NTAN1: variants seen among roughly 807,000 people sequenced by gnomAD.
NTAN1 encodes protein N-terminal asparagine amidohydrolase.
NTAN1 carries 32 observed loss-of-function variants against 41.9 expected under a neutral mutation model. That is an observed-to-expected ratio of 0.76 (90% CI 0.58 to 1.03). The LOEUF is 1.03. Ranked by LOEUF, NTAN1 falls within the 50% of genes least tolerant of loss-of-function variation. NTAN1 has a pLI of 0.00. For missense variants in NTAN1, 377 were observed against 377.5 expected (o/e 1.00, Z 0.01); for synonymous variants, 140 against 139.5 (o/e 1.00, Z -0.03).
intron 1 of NTAN1, 27 bp downstream of exon 1, chr16:15,055,864 C>G: frequency 8.4e-7 from 1 of 1,190,986 alleles, no homozygotes; most frequent in Non-Finnish European, 1.1e-6. Flanking sequence ...GGGCCCGCCC[C>G]GAAGCCCCGC....
At position 15,037,924 on chromosome 16, in the gene NTAN1, AAGG is replaced by A. The variant is rs569144350; in HGVS notation, c.*104_*106del. 6.4e-5 allele frequency: 43 copies of A among 675,044 alleles called. No individual in the cohort carries two copies. The East Asian group carries it at 1.1e-3, about 17-fold the overall frequency. 41.8% of individuals were successfully genotyped at this position (675,044 alleles called of 1,614,324 possible). A position where few individuals can be genotyped will look rare whatever the true frequency, so the allele number is the denominator to read the frequency against. ...GTCATTTGAAAGACACTGAGGAGGG[AAGG>A]AGGCCTAAGACCCAACAGATGTAGG... is the stretch of plus-strand genomic sequence containing the variant. On this transcript the variant is annotated 3_prime_UTR_variant, in exon 10 of 10. Transcript: ENST00000287706.
At chr16:15,042,357 TG>T (rs771634571) in intron 5 of NTAN1, among the ~76,000 whole-genome samples, 1 of 151,788 alleles carries the variant, frequency 6.6e-6, no homozygotes, top group Non-Finnish European at 1.5e-5. Context: ...GGCTAATTTT[TG>T]TATTTTCAGT....
chr16:15,044,578 G>GT (rs1247921706), intron 4 of NTAN1, 171 bp from the exon 5 acceptor site: 2 of 609,780 alleles, frequency 3.3e-6, no homozygotes, highest in African/African-American at 3.7e-5. Context: ...GCCAAGGCCA[G>GT]TGGCGAGCTT....
chr16:15,038,780 G>T, intron 8 of NTAN1, 93 bp from the exon 9 acceptor site: 1 of 671,924 alleles, frequency 1.5e-6, no homozygotes, highest in Non-Finnish European at 2.6e-6. Context: ...GTCCTTTCAT[G>T]CATTTATCTG....
Position 15,038,223 on chromosome 16 carries a change from G to A in NTAN1, c.754-13C>T. On this transcript the variant is annotated splice_polypyrimidine_tract_variant and intron_variant, in intron 9 of 9. Coordinates refer to ENST00000287706, the MANE Select transcript of NTAN1 (RefSeq NM_173474.4). ...AAGTGGAAAGATTCTGAAAACACAAGATGGTGGGCATTAGAGAAGCCAACC... is the reference window on the plus strand; with the variant it reads ...AAGTGGAAAGATTCTGAAAACACAAAATGGTGGGCATTAGAGAAGCCAACC... 1 of 1,609,132 alleles carries A rather than the reference G, an allele frequency of 6.2e-7. No individual in the cohort carries two copies. Among genetic ancestry groups the A allele is most frequent in the South Asian group, 1.1e-5 (1 of 90,296 alleles).
intron 1 of NTAN1, among the ~76,000 whole-genome samples, chr16:15,054,046 C>T (rs2044401200): frequency 6.6e-6 from 1 of 152,242 alleles, no homozygotes; most frequent in Non-Finnish European, 1.5e-5. Flanking sequence ...TGTAAGGTTA[C>T]TTTCCATGCT....
intron 5 of NTAN1, 116 bp downstream of exon 5, chr16:15,044,218 T>C: frequency 1.5e-6 from 1 of 688,494 alleles, no homozygotes; most frequent in Non-Finnish European, 2.6e-6. Flanking sequence ...TTCTCTGTGC[T>C]GCTCCAAGTG....
chr16:15,041,407 C>T (rs1342138266), intron 6 of NTAN1, among the ~76,000 whole-genome samples: 2 of 152,060 alleles, frequency 1.3e-5, no homozygotes, highest in African/African-American at 4.8e-5. Context: ...TGCCCTCCTT[C>T]CTGGTAGACG....
At chr16:15,049,663 T>G (rs896318666) in intron 1 of NTAN1, among the ~76,000 whole-genome samples, 1 of 151,950 alleles carries the variant, frequency 6.6e-6, no homozygotes, top group Admixed American at 6.6e-5. Context: ...TGGCCTCAAG[T>G]GATCCACCTG....
At position 15,040,060 on chromosome 16, in the gene NTAN1, T is replaced by C. The variant is rs1397047685; in HGVS notation, c.548A>G (p.Asn183Ser). Residue 183 changes from asparagine to serine, a missense_variant, in exon 8 of 10, where the codon AAC becomes AGC. Asn to Ser is a conservative substitution (Grantham distance 46). Coordinates refer to ENST00000287706, the MANE Select transcript of NTAN1 (RefSeq NM_173474.4). ...HFPVIYGIAV[N>S]IKTAEIYRAS... ...TCTGTAAATCTCTGCAGTCTTAATG[T>C]TGACAGCTGTGAGGGACAACAGGAT... 1.3e-6 allele frequency: 2 copies of C among 1,592,270 alleles called. No homozygotes were observed. The highest frequency in any genetic ancestry group is 1.3e-5 in the African/African-American group (1 of 74,644).
At position 15,037,952 on chromosome 16, in the gene NTAN1, G is replaced by GA; in HGVS notation, c.*78dup. ...GAGGCCTAAGACCCAACAGATGTAG[G>GA]ATCCAGATCTGGATTCGTGCCAGCC... On this transcript the variant is annotated 3_prime_UTR_variant, in exon 10 of 10. Coordinates refer to ENST00000287706, the MANE Select transcript of NTAN1 (RefSeq NM_173474.4). 2 of 997,642 alleles carry GA rather than the reference G, an allele frequency of 2.0e-6. No individual in the cohort carries two copies. The allele number at this position is 997,642 out of a possible 1,614,324, so 61.8% of individuals were successfully genotyped here. A position where few individuals can be genotyped will look rare whatever the true frequency, so the allele number is the denominator to read the frequency against.
intron 5 of NTAN1, among the ~76,000 whole-genome samples, chr16:15,043,062 G>T (rs1481866532): frequency 6.6e-6 from 1 of 152,042 alleles, no homozygotes; most frequent in Non-Finnish European, 1.5e-5. Flanking sequence ...CACCATGCCT[G>T]GCTAATTTTG....
At chr16:15,039,170 A>G (rs1242374649) in intron 8 of NTAN1, among the ~76,000 whole-genome samples, 1 of 152,178 alleles carries the variant, frequency 6.6e-6, no homozygotes, top group Non-Finnish European at 1.5e-5. Context: ...TGAATTCCCA[A>G]ATTTGCCAAT....
At chr16:15,047,597 G>T in intron 3 of NTAN1, 47 bp from the exon 4 acceptor site, 1 of 1,354,310 alleles carries the variant, frequency 7.4e-7, no homozygotes, top group Non-Finnish European at 1.1e-6. Flanking sequence ...TGATGCGAGT[G>T]CAGTGCGCAG....
intron 5 of NTAN1, among the ~76,000 whole-genome samples, chr16:15,042,409 C>T (rs894106805): frequency 6.6e-5 from 10 of 151,954 alleles, no homozygotes; most frequent in African/African-American, 1.7e-4. Context: ...AGGCTGGTCT[C>T]GAACTCGTGA....
At chr16:15,044,245 G>A in intron 5 of NTAN1, 89 bp downstream of exon 5, 1 of 875,334 alleles carries the variant, frequency 1.1e-6, no homozygotes, top group Non-Finnish European at 1.9e-6. Context: ...CCCTTCTTGG[G>A]TTTTGTACCA....
chr16:15,053,711 G>C lies in NTAN1; in HGVS notation c.81+2180C>G, dbSNP rs184728850. Among the ~76,000 whole-genome samples, 8 of 152,168 alleles carry C rather than the reference G, an allele frequency of 5.3e-5. No homozygotes were observed. In the East Asian group the frequency reaches 1.5e-3, roughly 29 times the overall value. ...AGATCACTTGAGGTCAGGAGTTCAA[G>C]AACAGCCTGGCCAACATGGTGAAAA... is the stretch of plus-strand genomic sequence containing the variant. On this transcript the variant is annotated intron_variant, in intron 1 of 9. Coordinates refer to ENST00000287706, the MANE Select transcript of NTAN1 (RefSeq NM_173474.4).
intron 1 of NTAN1, among the ~76,000 whole-genome samples, chr16:15,055,516 G>A (rs1480816242): frequency 6.6e-6 from 1 of 152,238 alleles, no homozygotes; most frequent in African/African-American, 2.4e-5. Context: ...ACCGCAGGCT[G>A]CGGGTCCCCG....
chr16:15,052,903 C>T (rs773465129), intron 1 of NTAN1, among the ~76,000 whole-genome samples: 1 of 152,092 alleles, frequency 6.6e-6, no homozygotes, highest in Non-Finnish European at 1.5e-5. Flanking sequence ...TCTGTGGAAC[C>T]GTATTACCCA....
Sources: gnomAD v4.1 joint callset for allele counts (sites outside exome capture counted in the v4.1 genomes callset) on GRCh38, gnomAD v4.1.1 for gene constraint, MANE v1.5 for transcripts, NCBI Gene and HGNC (gene_info 2026-07-23, HGNC 2026-07-21) for gene names.